The following FBXW11 variants were observed in gnomAD, a reference collection of about 807,000 sequenced individuals.
The protein encoded by FBXW11 is F-box and WD repeat domain containing 11.
A neutral mutation model predicts 77.6 loss-of-function variants in FBXW11; 19 were observed. The observed-to-expected ratio is 0.24, with a 90% CI of 0.17 to 0.36. FBXW11 has a LOEUF of 0.36. Among genes scored for constraint, FBXW11 ranks in the 10% least tolerant of loss-of-function variants. The pLI is 1.00. For synonymous variants in FBXW11, 235 were observed against 249.4 expected (o/e 0.94, Z 0.54); for missense variants, 334 against 704.2 (o/e 0.47, Z 5.95).
intron 1 of FBXW11, among the ~76,000 whole-genome samples, chr5:171,989,837 ATTACT>A (rs1429739052): frequency 6.6e-5 from 10 of 152,174 alleles, no homozygotes; most frequent in Non-Finnish European, 1.0e-4. Flanking sequence ...ATATTATGGA[ATTACT>A]TTAATTTTCT....
In FBXW11 at chr5:171,891,446, A is replaced by G. The variant is rs765162878; in HGVS notation, c.852+21T>C. Reference sequence around the variant, plus strand: ...ATAGCCACGATTCTAAAAATAATACATAAAAAATTCAGTCATTCACCTTAA... The same window carrying G: ...ATAGCCACGATTCTAAAAATAATACGTAAAAAATTCAGTCATTCACCTTAA... On this transcript the variant is annotated intron_variant, in intron 7 of 13. Transcript: ENST00000517395. 3.8e-6 allele frequency: 6 copies of G among 1,563,956 alleles called. No individual in the cohort carries two copies. In the Admixed American group the frequency reaches 1.1e-4, roughly 29 times the overall value.
chr5:171,875,926 C>A (rs1035844118), intron 9 of FBXW11, among the ~76,000 whole-genome samples: 2 of 152,172 alleles, frequency 1.3e-5, no homozygotes, highest in African/African-American at 4.8e-5. Flanking sequence ...ACTCTCTGAG[C>A]CAGATGTGTA....
intron 6 of FBXW11, among the ~76,000 whole-genome samples, chr5:171,893,712 T>C (rs1291497439): frequency 6.6e-6 from 1 of 152,192 alleles, no homozygotes; most frequent in African/African-American, 2.4e-5. Context: ...GTTACCAATG[T>C]TCACGTTATA....
chr5:171,869,641 C>T lies in FBXW11; in HGVS notation c.1530+88G>A, dbSNP rs964209171. 19 of 918,952 alleles carry T rather than the reference C, an allele frequency of 2.1e-5. No individual in the cohort carries two copies. The highest frequency in any genetic ancestry group is 2.9e-5 in the Non-Finnish European group (18 of 629,654). The allele number at this position is 918,952 out of a possible 1,614,324, so 56.9% of individuals were successfully genotyped here. ...GAAGGCATCTTGTGAGACACACAAG[C>T]GTTCCTGTGATACACCTAGACAGGA... On this transcript the variant is annotated intron_variant, in intron 12 of 13. Transcript: ENST00000517395. The surrounding 1 kb of genome is among the most constrained non-coding windows in gnomAD (Gnocchi z 4.1).
chr5:171,952,353 GTTTT>G (rs559530088), intron 2 of FBXW11, among the ~76,000 whole-genome samples: 2 of 126,278 alleles, frequency 1.6e-5, no homozygotes, highest in Admixed American at 1.7e-4. Context: ...GAAAGATGTG[GTTTT>G]TTTTAACCAT....
At chr5:171,868,218 G>A (rs1230603119) in intron 13 of FBXW11, 1 of 150,968 alleles carries the variant, frequency 6.6e-6, no homozygotes, top group Non-Finnish European at 1.5e-5. Context: ...TGTTTTGTCA[G>A]ATGGTGATTT....
chr5:171,967,561 C>T (rs1390647604), intron 1 of FBXW11, among the ~76,000 whole-genome samples: 1 of 151,980 alleles, frequency 6.6e-6, no homozygotes, highest in Non-Finnish European at 1.5e-5. Flanking sequence ...ATACATAGGC[C>T]GGGCATGGTG....
chr5:171,897,259 C>T (rs1199532029), intron 6 of FBXW11, among the ~76,000 whole-genome samples: 1 of 152,214 alleles, frequency 6.6e-6, no homozygotes, highest in African/African-American at 2.4e-5. Flanking sequence ...TGGTACATTA[C>T]TTTTATGATT....
chr5:171,970,916 G>T (rs955472305), intron 1 of FBXW11, among the ~76,000 whole-genome samples: 4 of 152,180 alleles, frequency 2.6e-5, no homozygotes, highest in African/African-American at 9.7e-5. Flanking sequence ...CTTTCAGGCA[G>T]GGGCTAGGAC....
At chr5:171,975,688 A>G (rs1403739245) in intron 1 of FBXW11, among the ~76,000 whole-genome samples, 1 of 152,230 alleles carries the variant, frequency 6.6e-6, no homozygotes, top group African/African-American at 2.4e-5. Flanking sequence ...AGGTTACAGT[A>G]AAGGTTAAAA....
intron 2 of FBXW11, among the ~76,000 whole-genome samples, chr5:171,953,717 C>T (rs913704657): frequency 6.6e-6 from 1 of 151,996 alleles, no homozygotes; most frequent in African/African-American, 2.4e-5. Context: ...AACAGGGGTT[C>T]GGGAAAATAA....
chr5:171,999,064 C>G (rs989203760), intron 1 of FBXW11, among the ~76,000 whole-genome samples: 2 of 152,032 alleles, frequency 1.3e-5, no homozygotes, highest in African/African-American at 4.8e-5. Flanking sequence ...ATGAAAATAC[C>G]TTAAGACTCA....
At chr5:171,935,246 C>T (rs532147091) in intron 2 of FBXW11, among the ~76,000 whole-genome samples, 12 of 152,186 alleles carry the variant, frequency 7.9e-5, no homozygotes, top group African/African-American at 1.7e-4. Flanking sequence ...CGTGAGCCAC[C>T]GCGCCCAGCC....
chr5:171,881,614 C>A lies in FBXW11; in HGVS notation c.853-3485G>T. Among the ~76,000 whole-genome samples, 2 of 152,296 alleles carry A rather than the reference C, an allele frequency of 1.3e-5. 1 individual carries two copies. The highest frequency in any genetic ancestry group is 4.1e-4 in the South Asian group (2 of 4,826). On this transcript the variant is annotated intron_variant, in intron 7 of 13. Transcript: ENST00000517395. ...CTCATAGAATGAGTGATGAAATATT[C>A]TCTCTTCTTCTATCTTCTGGAAGAG...
intron 9 of FBXW11, among the ~76,000 whole-genome samples, chr5:171,874,447 T>C (rs1158554914): frequency 1.3e-5 from 2 of 152,142 alleles, no homozygotes; most frequent in Admixed American, 1.3e-4. Flanking sequence ...CCTCTCAACT[T>C]CCAGGCACTG....
intron 1 of FBXW11, among the ~76,000 whole-genome samples, chr5:172,000,010 A>G (rs948915579): frequency 2.6e-5 from 4 of 152,172 alleles, no homozygotes; most frequent in Admixed American, 2.6e-4. Context: ...GAGATACCCT[A>G]CTGGATTGTC....
chr5:171,888,916 TAGAGATGA>T (rs991989916), intron 7 of FBXW11, among the ~76,000 whole-genome samples: 1 of 152,008 alleles, frequency 6.6e-6, no homozygotes, highest in Non-Finnish European at 1.5e-5. Flanking sequence ...AACAGGAGAA[TAGAGATGA>T]AGAGATGAAA....
In FBXW11 at chr5:171,869,598, T is replaced by A; in HGVS notation, c.1530+131A>T. 1 of 580,242 alleles carries A rather than the reference T, an allele frequency of 1.7e-6. No individual in the cohort carries two copies. The highest frequency in any genetic ancestry group is 2.9e-6 in the Non-Finnish European group (1 of 346,402). 35.9% of individuals were successfully genotyped at this position (580,242 alleles called of 1,614,324 possible). A position where few individuals can be genotyped will look rare whatever the true frequency, so the allele number is the denominator to read the frequency against. On this transcript the variant is annotated intron_variant, in intron 12 of 13. Transcript: ENST00000517395. The surrounding 1 kb of genome is among the most constrained non-coding windows in gnomAD (Gnocchi z 4.1). Reference sequence around the variant, plus strand: ...ATTCTCTGGTTTTGGCTAAACAAAATGAAGACTGAAATTCTCTGAAGGCAT... The same window carrying A: ...ATTCTCTGGTTTTGGCTAAACAAAAAGAAGACTGAAATTCTCTGAAGGCAT...
chr5:171,878,603 A>AGTGTGT (rs34099380), intron 7 of FBXW11, among the ~76,000 whole-genome samples: 2,853 of 128,522 alleles, frequency 0.022, 51 homozygotes, highest in Non-Finnish European at 0.029. Context: ...AGAGAGAGAG[A>AGTGTGT]GTGTGTGTGT....
Sources: gnomAD v4.1 joint callset for allele counts (sites outside exome capture counted in the v4.1 genomes callset) on GRCh38, gnomAD v4.1.1 for gene constraint, Gnocchi (gnomAD v3.1) non-coding constraint, MANE v1.5 for transcripts, NCBI Gene and HGNC (gene_info 2026-07-23, HGNC 2026-07-21) for gene names.